PTP4A2: variants seen among roughly 807,000 people sequenced by gnomAD.
PTP4A2 encodes the protein protein tyrosine phosphatase type IVA 2.
PTP4A2 carries 2 observed loss-of-function variants against 22.9 expected under a neutral mutation model. The ratio of observed to expected loss-of-function variants is 0.09; its 90% CI spans 0.04 to 0.27. The LOEUF is 0.27. Ranked by LOEUF, PTP4A2 falls within the 10% of genes least tolerant of loss-of-function variation. PTP4A2 has a pLI of 1.00. For synonymous variants in PTP4A2, 68 were observed against 69.1 expected (o/e 0.98, Z 0.08); for missense variants, 103 against 205.1 (o/e 0.50, Z 3.04).
intron 1 of PTP4A2, among the ~76,000 whole-genome samples, chr1:31,937,254 A>C (rs1652975629): frequency 6.6e-6 from 1 of 152,072 alleles, no homozygotes; most frequent in Admixed American, 6.5e-5. Context: ...AAAACACATC[A>C]CATCCTTTCT....
intron 1 of PTP4A2, among the ~76,000 whole-genome samples, chr1:31,922,758 G>A (rs115107994): frequency 0.033 from 5,018 of 151,842 alleles, 91 homozygotes; most frequent in Middle Eastern, 0.044. Flanking sequence ...CTCCTGAGGA[G>A]CTGGGAACAC....
intron 2 of PTP4A2, among the ~76,000 whole-genome samples, chr1:31,917,204 G>A (rs1651893311): frequency 6.6e-6 from 1 of 152,198 alleles, no homozygotes. Context: ...AAAGGTGACT[G>A]AACAATCTGA....
chr1:31,926,431 G>A (rs1359166852), intron 1 of PTP4A2, among the ~76,000 whole-genome samples: 1 of 152,076 alleles, frequency 6.6e-6, no homozygotes, highest in African/African-American at 2.4e-5. Flanking sequence ...AGGAAGTAAT[G>A]CAAATTTGAG....
At chr1:31,931,996 T>C (rs1652745258) in intron 1 of PTP4A2, among the ~76,000 whole-genome samples, 1 of 152,198 alleles carries the variant, frequency 6.6e-6, no homozygotes, top group African/African-American at 2.4e-5. Context: ...ACTGTGGTGA[T>C]ACAACCTAGT....
chr1:31,934,643 A>T (rs1414905718), intron 1 of PTP4A2, among the ~76,000 whole-genome samples: 1 of 152,248 alleles, frequency 6.6e-6, no homozygotes, highest in Non-Finnish European at 1.5e-5. Flanking sequence ...TATAGGACAA[A>T]ATGAATAAAA....
intron 1 of PTP4A2, among the ~76,000 whole-genome samples, chr1:31,927,526 AG>A (rs1450900401): frequency 6.6e-6 from 1 of 152,206 alleles, no homozygotes; most frequent in Non-Finnish European, 1.5e-5. Context: ...AAGCTGAAAA[AG>A]GAGAGAAAAA....
intron 1 of PTP4A2, chr1:31,921,851 T>C (rs1172774425): frequency 6.6e-6 from 1 of 152,220 alleles, no homozygotes. Flanking sequence ...TCTTATGGCA[T>C]TTTATTGTGT....
At chr1:31,916,334 G>T (rs1488400423) in intron 2 of PTP4A2, among the ~76,000 whole-genome samples, 2 of 104,878 alleles carry the variant, frequency 1.9e-5, no homozygotes, top group African/African-American at 7.4e-5. Flanking sequence ...GACAGAGCGA[G>T]ACTCCGTCTC....
chr1:31,938,263 C>T lies in PTP4A2; in HGVS notation c.-870G>A. ...TGCCGCCGCTGCCCTGTGGCGTCAC[C>T]TCGCGCCGTGCCCGGCCGCCGCTGC... On this transcript the variant is annotated 5_prime_UTR_variant, in exon 1 of 6. Coordinates refer to ENST00000647444, the MANE Select transcript of PTP4A2 (RefSeq NM_080391.4). The surrounding 1 kb of genome is among the most constrained non-coding windows in gnomAD (Gnocchi z 4.4). 1 of 151,730 alleles carries T rather than the reference C, an allele frequency of 6.6e-6. No individual in the cohort carries two copies. The highest frequency in any genetic ancestry group is 1.5e-5 in the Non-Finnish European group (1 of 68,758). The allele number at this position is 151,730 out of a possible 1,614,324, so 9.4% of individuals were successfully genotyped here. A position where few individuals can be genotyped will look rare whatever the true frequency, so the allele number is the denominator to read the frequency against.
chr1:31,930,149 T>C (rs973438228), intron 1 of PTP4A2, among the ~76,000 whole-genome samples: 2 of 152,156 alleles, frequency 1.3e-5, no homozygotes, highest in African/African-American at 4.8e-5. Context: ...CCATCCTGGC[T>C]AACACGGTGA....
intron 1 of PTP4A2, among the ~76,000 whole-genome samples, chr1:31,930,079 C>T (rs1054883956): frequency 4.6e-5 from 7 of 152,232 alleles, no homozygotes; most frequent in Non-Finnish European, 1.5e-5. Context: ...TGGCTCACGC[C>T]TGTAATCCCA....
chr1:31,928,217 A>T (rs61393773), intron 1 of PTP4A2, among the ~76,000 whole-genome samples: 9,691 of 139,904 alleles, frequency 0.069, 443 homozygotes, highest in East Asian at 0.18. Flanking sequence ...TATAATATAT[A>T]AATATAATAA....
intron 1 of PTP4A2, among the ~76,000 whole-genome samples, chr1:31,925,245 C>A (rs894340193): frequency 1.3e-5 from 2 of 152,136 alleles, no homozygotes; most frequent in Non-Finnish European, 2.9e-5. Context: ...AAAAAAAATT[C>A]TAAGGTGATA....
At position 31,913,061 on chromosome 1, in the gene PTP4A2, C is replaced by T. The variant is rs751202726; in HGVS notation, c.190-1235G>A. ...CAATATAAAACATGCTTCACTTACT[C>T]ATATAAGTAGTGTCTATTTTTAAAA... On this transcript the variant is annotated intron_variant, in intron 3 of 5. Transcript: ENST00000647444. 12 of 447,822 alleles carry T rather than the reference C, an allele frequency of 2.7e-5. No individual in the cohort carries two copies. The East Asian group carries it at 7.0e-4, about 26-fold the overall frequency. 27.7% of individuals were successfully genotyped at this position (447,822 alleles called of 1,614,324 possible).
intron 1 of PTP4A2, among the ~76,000 whole-genome samples, chr1:31,922,801 C>T (rs1652249716): frequency 6.6e-6 from 1 of 151,938 alleles, no homozygotes; most frequent in South Asian, 2.1e-4. Flanking sequence ...TTTTGATTTT[C>T]TGTAGCAACA....
chr1:31,924,083 T>C (rs1459043484), intron 1 of PTP4A2: 3 of 152,218 alleles, frequency 2.0e-5, no homozygotes, highest in Non-Finnish European at 4.4e-5. Context: ...GTAAAGGCAC[T>C]GAAAGACCTG....
chr1:31,920,707 T>A (rs1350691202), intron 1 of PTP4A2, among the ~76,000 whole-genome samples: 1 of 151,574 alleles, frequency 6.6e-6, no homozygotes, highest in East Asian at 2.0e-4. Context: ...CTGGCTAATT[T>A]TTGTATTTTT....
At chr1:31,922,759 C>A (rs917677847) in intron 1 of PTP4A2, among the ~76,000 whole-genome samples, 8 of 151,856 alleles carry the variant, frequency 5.3e-5, no homozygotes, top group African/African-American at 1.9e-4. Context: ...TCCTGAGGAG[C>A]TGGGAACACA....
At chr1:31,920,851 T>A (rs1347066993) in intron 1 of PTP4A2, among the ~76,000 whole-genome samples, 3 of 152,182 alleles carry the variant, frequency 2.0e-5, no homozygotes, top group Non-Finnish European at 4.4e-5. Context: ...GAACTCTTCA[T>A]AAACTTCACA....
Sources: allele counts gnomAD v4.1 joint callset (sites outside exome capture counted in the v4.1 genomes callset), GRCh38; gene constraint gnomAD v4.1.1; non-coding constraint Gnocchi (gnomAD v3.1); transcripts MANE v1.5; gene names NCBI Gene and HGNC (gene_info 2026-07-23, HGNC 2026-07-21).